The following CSMD1 variants were observed in gnomAD, a reference collection of about 807,000 sequenced individuals.
CSMD1 encodes the protein CUB and Sushi multiple domains 1, also known as CUB and sushi domain-containing protein 1.
CSMD1 carries 213 observed loss-of-function variants against 417.5 expected under a neutral mutation model. That is an observed-to-expected ratio of 0.51 (90% confidence interval 0.46 to 0.57). The LOEUF (loss-of-function observed/expected upper bound fraction) is 0.57, where lower values mean the gene tolerates loss of function less well. CSMD1 is among the 20% of genes least tolerant of loss of function. The pLI, the probability that CSMD1 is intolerant of heterozygous loss-of-function variation, is 0.00. For synonymous variants in CSMD1, 2,862 were observed against 1,736.8 expected (o/e 1.65, Z -16.11); for missense variants, 6,923 against 4,529.7 (o/e 1.53, Z -15.17).
intron 2 of CSMD1, among the ~76,000 whole-genome samples, chr8:4,510,562 C>T (rs547914526): frequency 6.6e-6 from 1 of 151,352 alleles, no homozygotes; most frequent in East Asian, 2.0e-4. Context: ...CTTCCCTCTT[C>T]CCTTCCCTCT....
chr8:4,150,699 T>C (rs976044059), intron 3 of CSMD1, among the ~76,000 whole-genome samples: 19 of 152,144 alleles, frequency 1.2e-4, no homozygotes, highest in Non-Finnish European at 2.8e-4. Context: ...GTTTAGAACC[T>C]TAGGGTGTGG....
At chr8:2,951,737 G>A (rs1802652661) in intron 65 of CSMD1, among the ~76,000 whole-genome samples, 1 of 152,166 alleles carries the variant, frequency 6.6e-6, no homozygotes. Context: ...GCAATGCCCT[G>A]TCTCGAAAAA....
At chr8:3,741,101 G>A (rs570748780) in intron 6 of CSMD1, among the ~76,000 whole-genome samples, 1 of 151,214 alleles carries the variant, frequency 6.6e-6, no homozygotes, top group African/African-American at 2.4e-5. Flanking sequence ...TGTGATCCCA[G>A]CTACTTGGAG....
intron 31 of CSMD1, among the ~76,000 whole-genome samples, chr8:3,204,598 C>G (rs1797150266): frequency 6.6e-6 from 1 of 152,090 alleles, no homozygotes. Context: ...AATCATGACA[C>G]AATAGAAGTT....
At position 3,179,232 on chromosome 8, in the gene CSMD1, A is replaced by C. The variant is rs984005247; in HGVS notation, c.5725+1878T>G. ...AGTGCTGGGATTACAGGCGTGAGCCACCGCGCCCAGCCTATAATCTATATT... is the reference window on the plus strand; with the variant it reads ...AGTGCTGGGATTACAGGCGTGAGCCCCCGCGCCCAGCCTATAATCTATATT... On this transcript the variant is annotated intron_variant, in intron 37 of 69. Coordinates refer to ENST00000635120, the MANE Select transcript of CSMD1 (RefSeq NM_033225.6). Among the ~76,000 whole-genome samples the C allele has an allele frequency of 3.9e-5, 6 of 152,126 alleles. No homozygotes were observed. The East Asian group carries it at 1.2e-3, about 29-fold the overall frequency.
intron 3 of CSMD1, among the ~76,000 whole-genome samples, chr8:4,174,864 A>G (rs1369268019): frequency 6.7e-6 from 1 of 148,952 alleles, no homozygotes; most frequent in Non-Finnish European, 1.5e-5. Context: ...CAGATAAAAT[A>G]TTGATGTTAA....
intron 10 of CSMD1, among the ~76,000 whole-genome samples, chr8:3,568,688 T>C (rs1252751217): frequency 6.6e-6 from 1 of 152,066 alleles, no homozygotes; most frequent in African/African-American, 2.4e-5. Context: ...ATATACTGTA[T>C]ATGTGTATAT....
At chr8:4,710,563 C>T (rs1749574715) in intron 1 of CSMD1, among the ~76,000 whole-genome samples, 2 of 150,400 alleles carry the variant, frequency 1.3e-5, no homozygotes, top group Non-Finnish European at 3.0e-5. Flanking sequence ...AGAAAAATGG[C>T]TTCTGGGTGC....
chr8:4,369,208 A>G (rs1389478027), intron 3 of CSMD1, among the ~76,000 whole-genome samples: 1 of 152,170 alleles, frequency 6.6e-6, no homozygotes, highest in Non-Finnish European at 1.5e-5. Context: ...TTCTTTACCT[A>G]AAAGTCATTT....
chr8:4,354,669 A>G lies in CSMD1; in HGVS notation c.415+65284T>C, dbSNP rs183429526. Among the ~76,000 whole-genome samples, 136 of 152,194 alleles carry G rather than the reference A, an allele frequency of 8.9e-4. 1 individual carries two copies. The highest frequency in any genetic ancestry group is 1.7e-3 in the Non-Finnish European group (117 of 68,006). ...CATGAACATCTATGCAGAATTTAAA[A>G]TTTTTGTAACATTTGTATATTGTCA... On this transcript the variant is annotated intron_variant, in intron 3 of 69. Coordinates refer to ENST00000635120, the MANE Select transcript of CSMD1 (RefSeq NM_033225.6).
intron 3 of CSMD1, among the ~76,000 whole-genome samples, chr8:4,193,522 A>G (rs60623643): frequency 6.6e-6 from 1 of 152,108 alleles, no homozygotes; most frequent in South Asian, 2.1e-4. Context: ...GATATTACCC[A>G]AGGACTGGCT....
At chr8:3,486,566 G>A (rs1327575235) in intron 11 of CSMD1, among the ~76,000 whole-genome samples, 1 of 152,202 alleles carries the variant, frequency 6.6e-6, no homozygotes, top group Non-Finnish European at 1.5e-5. Flanking sequence ...GTCTACACCT[G>A]TGATAGAACA....
At chr8:4,093,219 A>G (rs1800813540) in intron 3 of CSMD1, among the ~76,000 whole-genome samples, 1 of 152,088 alleles carries the variant, frequency 6.6e-6, no homozygotes, top group Non-Finnish European at 1.5e-5. Flanking sequence ...ATAAAGTATA[A>G]TTTACCTATG....
At chr8:3,811,169 G>A (rs144088316) in intron 5 of CSMD1, among the ~76,000 whole-genome samples, 52 of 152,222 alleles carry the variant, frequency 3.4e-4, no homozygotes, top group African/African-American at 1.2e-3. Flanking sequence ...AGGACTGTGA[G>A]ATCTGAATTC....
At chr8:4,602,628 C>T (rs140689531) in intron 2 of CSMD1, among the ~76,000 whole-genome samples, 21 of 152,098 alleles carry the variant, frequency 1.4e-4, no homozygotes, top group African/African-American at 4.3e-4. Context: ...AGTTTGAAGG[C>T]GTATTTTCTT....
intron 5 of CSMD1, among the ~76,000 whole-genome samples, chr8:3,901,389 C>T (rs1481452699): frequency 1.3e-5 from 2 of 152,134 alleles, no homozygotes; most frequent in Non-Finnish European, 2.9e-5. Context: ...GGGCATATTT[C>T]AGTAAACCTT....
At chr8:3,002,658 C>T (rs997850381) in intron 52 of CSMD1, among the ~76,000 whole-genome samples, 12 of 152,116 alleles carry the variant, frequency 7.9e-5, no homozygotes, top group Non-Finnish European at 1.8e-4. Context: ...CCTTTTAAAC[C>T]TTAATATTTT....
In CSMD1 at chr8:3,199,817, C is replaced by A. The variant is rs768860258; in HGVS notation, c.5099-8G>T. The A allele has an allele frequency of 6.1e-5, 94 of 1,550,372 alleles. No individual in the cohort carries two copies. Among genetic ancestry groups the A allele is most frequent in the Non-Finnish European group, 8.1e-5 (93 of 1,142,398 alleles). Reference sequence around the variant, plus strand: ...CCAAGGGCAATGTTTCCCCTAGAAACGAAAACAGAGACAGATTCAGAAAAC... The same window carrying A: ...CCAAGGGCAATGTTTCCCCTAGAAAAGAAAACAGAGACAGATTCAGAAAAC... On this transcript the variant is annotated splice_polypyrimidine_tract_variant and splice_region_variant and intron_variant, in intron 32 of 69. Transcript: ENST00000635120.
At chr8:3,413,260 T>C (rs1180666563) in intron 12 of CSMD1, among the ~76,000 whole-genome samples, 2 of 152,178 alleles carry the variant, frequency 1.3e-5, no homozygotes, top group African/African-American at 4.8e-5. Flanking sequence ...TTATGGCATT[T>C]TGGGGATACT....
Sources: allele counts gnomAD v4.1 joint callset (sites outside exome capture counted in the v4.1 genomes callset), GRCh38; gene constraint gnomAD v4.1.1; transcripts MANE v1.5; gene names NCBI Gene and HGNC (gene_info 2026-07-23, HGNC 2026-07-21).